The following LDLRAD4 variants were observed in gnomAD, a reference collection of about 807,000 sequenced individuals.
The protein encoded by LDLRAD4 is low density lipoprotein receptor class A domain containing 4.
In LDLRAD4, 5 loss-of-function variants were observed where a neutral mutation model predicts 17.0. That is an observed-to-expected ratio of 0.29 (90% CI 0.15 to 0.62). The LOEUF is 0.62. Ranked by LOEUF, LDLRAD4 falls within the 20% of genes least tolerant of loss-of-function variation. The probability of loss-of-function intolerance (pLI) is 0.84; values close to 1 mark genes in which losing one functional copy is unlikely to be tolerated. For synonymous variants in LDLRAD4, 168 were observed against 171.8 expected (o/e 0.98, Z 0.17); for missense variants, 340 against 424.7 (o/e 0.80, Z 1.75).
upstream of LDLRAD4, among the ~76,000 whole-genome samples, chr18:13,275,942 T>G (rs2044838791): frequency 6.6e-6 from 1 of 152,250 alleles, no homozygotes; most frequent in South Asian, 2.1e-4. Flanking sequence ...TGTACAGATG[T>G]GTATGCGTTT....
chr18:13,587,842 G>T (rs145940871), intron 3 of LDLRAD4, among the ~76,000 whole-genome samples: 2 of 152,294 alleles, frequency 1.3e-5, no homozygotes, highest in South Asian at 2.1e-4. Flanking sequence ...CTACAAAAAG[G>T]GGGGAGGTCA....
intron 1 of LDLRAD4, chr18:13,241,402 G>C (rs1459779421): frequency 6.6e-6 from 1 of 152,266 alleles, no homozygotes; most frequent in Non-Finnish European, 1.5e-5. Context: ...AGCCTCCCGG[G>C]TGCTGCAGCG....
chr18:13,269,284 ATGGTTATTTTTCAG>A (rs1226751242), intron 1 of LDLRAD4, among the ~76,000 whole-genome samples: 2 of 152,226 alleles, frequency 1.3e-5, no homozygotes, highest in Admixed American at 1.3e-4. Flanking sequence ...TTCAATGCCA[ATGGTTATTTTTCAG>A]TGGTCTCATA....
At chr18:13,548,435 T>A (rs987130960) in intron 3 of LDLRAD4, among the ~76,000 whole-genome samples, 7 of 152,192 alleles carry the variant, frequency 4.6e-5, no homozygotes, top group African/African-American at 1.7e-4. Context: ...TTGGCCTCCT[T>A]CCCCTGCTTG....
chr18:13,469,565 G>A (rs2092713497), intron 3 of LDLRAD4, among the ~76,000 whole-genome samples: 1 of 152,340 alleles, frequency 6.6e-6, no homozygotes, highest in South Asian at 2.1e-4. Context: ...AAGGAATGAA[G>A]TTTGGATGAA....
chr18:13,325,921 C>G (rs990007307), intron 1 of LDLRAD4, among the ~76,000 whole-genome samples: 2 of 152,156 alleles, frequency 1.3e-5, no homozygotes, highest in African/African-American at 2.4e-5. Context: ...CCTGCCACCA[C>G]GCGGAGCTAA....
At chr18:13,463,769 G>A (rs1023021461) in intron 3 of LDLRAD4, among the ~76,000 whole-genome samples, 2 of 152,140 alleles carry the variant, frequency 1.3e-5, no homozygotes, top group African/African-American at 4.8e-5. Flanking sequence ...AGCCACCCCC[G>A]CCTTTAGGGA....
intron 3 of LDLRAD4, chr18:13,611,677 G>C: frequency 1.2e-5 from 12 of 985,376 alleles, no homozygotes; most frequent in Non-Finnish European, 1.3e-5. Flanking sequence ...GGAACATTGA[G>C]CATCCTGACT....
chr18:13,351,666 C>G (rs112630639), intron 1 of LDLRAD4, among the ~76,000 whole-genome samples: 9,186 of 152,166 alleles, frequency 0.06, 346 homozygotes, highest in South Asian at 0.097. Flanking sequence ...AGATTCACAG[C>G]CAAATTCTAC....
chr18:13,644,336 G>A (rs1045755815), intron 5 of LDLRAD4, among the ~76,000 whole-genome samples: 1 of 151,004 alleles, frequency 6.6e-6, no homozygotes. Context: ...GGAAGCTGAG[G>A]TGGGTGGGTC....
intron 3 of LDLRAD4, among the ~76,000 whole-genome samples, chr18:13,579,304 C>G (rs1001095023): frequency 3.9e-5 from 6 of 152,316 alleles, no homozygotes; most frequent in South Asian, 4.1e-4. Flanking sequence ...GAATTACAGT[C>G]ATTTGTTTAT....
At chr18:13,389,237 G>A (rs371160893) in intron 2 of LDLRAD4, among the ~76,000 whole-genome samples, 8 of 152,006 alleles carry the variant, frequency 5.3e-5, no homozygotes, top group African/African-American at 1.9e-4. Flanking sequence ...CAGCTCCCTC[G>A]TGGATACTCC....
chr18:13,371,793 G>A (rs1232875614), intron 1 of LDLRAD4, among the ~76,000 whole-genome samples: 1 of 152,004 alleles, frequency 6.6e-6, no homozygotes, highest in Admixed American at 6.6e-5. Context: ...AAGAGAGAGA[G>A]AAAGAGAAAA....
intron 2 of LDLRAD4, among the ~76,000 whole-genome samples, chr18:13,407,759 A>T (rs1375507908): frequency 6.6e-6 from 1 of 152,194 alleles, no homozygotes; most frequent in Non-Finnish European, 1.5e-5. Context: ...TGCCTTGGAG[A>T]TATTTTCTTC....
intron 4 of LDLRAD4, chr18:13,642,039 C>A (rs1398796236): frequency 1.0e-6 from 1 of 985,270 alleles, no homozygotes; most frequent in Non-Finnish European, 1.2e-6. Flanking sequence ...CGGACCCCCG[C>A]CCTCGTCTGT....
chr18:13,263,708 A>T (rs1225742430), intron 1 of LDLRAD4, among the ~76,000 whole-genome samples: 1 of 152,208 alleles, frequency 6.6e-6, no homozygotes, highest in Non-Finnish European at 1.5e-5. Flanking sequence ...TCTTATAAAG[A>T]TGGAAAGAAT....
chr18:13,563,477 G>A (rs1436024435), intron 3 of LDLRAD4, among the ~76,000 whole-genome samples: 1 of 152,196 alleles, frequency 6.6e-6, no homozygotes, highest in Non-Finnish European at 1.5e-5. Context: ...GTAGCACAAG[G>A]AAGGAAGTGA....
At chr18:13,538,666 A>G (rs1943161863) in intron 3 of LDLRAD4, among the ~76,000 whole-genome samples, 2 of 152,084 alleles carry the variant, frequency 1.3e-5, no homozygotes, top group Admixed American at 1.3e-4. Context: ...CTGGGACTAC[A>G]GGTGTATGCC....
At chr18:13,355,892 A>G (rs531903434) in intron 1 of LDLRAD4, among the ~76,000 whole-genome samples, 2 of 152,294 alleles carry the variant, frequency 1.3e-5, no homozygotes, top group East Asian at 3.9e-4. Flanking sequence ...TGGCCTCCCA[A>G]AGTTCTAGGA....
Sources: allele counts gnomAD v4.1 joint callset (sites outside exome capture counted in the v4.1 genomes callset), GRCh38; gene constraint gnomAD v4.1.1; transcripts MANE v1.5; gene names NCBI Gene and HGNC (gene_info 2026-07-23, HGNC 2026-07-21).